HEMK2: variants seen among roughly 807,000 people sequenced by gnomAD.
The protein encoded by HEMK2 is HemK methyltransferase 2, ETF1 glutamine and histone H4 lysine, also known as methyltransferase HEMK2.
At chr21:28,696,152 C>T in the HEMK2 span, among the ~76,000 whole-genome samples, 1 of 152,062 alleles carries the variant, frequency 6.6e-6, no homozygotes, top group Non-Finnish European at 1.5e-5. Flanking sequence ...TTATTCACTA[C>T]CACAAGAACA....
chr21:28,648,935 C>T, the HEMK2 span, among the ~76,000 whole-genome samples: 9 of 131,384 alleles, frequency 6.9e-5, 1 homozygote, highest in African/African-American at 2.9e-4. Context: ...TCCCTCCCCG[C>T]TCCCCCCACC....
At chr21:28,771,518 A>ACCAC in the HEMK2 span, among the ~76,000 whole-genome samples, 216 of 105,598 alleles carry the variant, frequency 2.0e-3, no homozygotes, top group African/African-American at 6.8e-3. Flanking sequence ...AAGATGCACC[A>ACCAC]CCCCCCCCCG....
chr21:28,652,526 G>A, the HEMK2 span, among the ~76,000 whole-genome samples: 1 of 151,194 alleles, frequency 6.6e-6, no homozygotes, highest in African/African-American at 2.4e-5. Context: ...AGTCCCAGCT[G>A]TCACAGACAG....
At chr21:28,828,662 T>C in the HEMK2 span, among the ~76,000 whole-genome samples, 1 of 152,180 alleles carries the variant, frequency 6.6e-6, no homozygotes, top group Non-Finnish European at 1.5e-5. Context: ...AAGTTCTGCA[T>C]TGACCAACTG....
the HEMK2 span, among the ~76,000 whole-genome samples, chr21:28,762,585 T>G: frequency 2.0e-5 from 3 of 152,158 alleles, no homozygotes; most frequent in African/African-American, 7.2e-5. Flanking sequence ...GGTTTTAATG[T>G]GCCCCACAAA....
the HEMK2 span, among the ~76,000 whole-genome samples, chr21:28,743,557 AAG>A: frequency 6.6e-6 from 1 of 152,024 alleles, no homozygotes; most frequent in Non-Finnish European, 1.5e-5. Flanking sequence ...GAAAAGAAAA[AAG>A]AGAGTGAAGG....
chr21:28,633,581 T>C, the HEMK2 span, among the ~76,000 whole-genome samples: 8 of 152,168 alleles, frequency 5.3e-5, no homozygotes, highest in African/African-American at 1.7e-4. Flanking sequence ...ATGCCAAGTA[T>C]TTTTTAAAGT....
chr21:28,875,672 A>T, the HEMK2 span: 1 of 152,246 alleles, frequency 6.6e-6, no homozygotes, highest in Non-Finnish European at 1.5e-5. Context: ...TTGCCTCCAA[A>T]ACCCAAAGAG....
At chr21:28,784,147 A>G in the HEMK2 span, among the ~76,000 whole-genome samples, 2 of 152,126 alleles carry the variant, frequency 1.3e-5, no homozygotes, top group Non-Finnish European at 2.9e-5. Flanking sequence ...GTGCGGGCAC[A>G]CAGCGCGGGA....
the HEMK2 span, among the ~76,000 whole-genome samples, chr21:28,791,121 G>C: frequency 1.3e-5 from 2 of 152,298 alleles, no homozygotes; most frequent in African/African-American, 4.8e-5. Flanking sequence ...AACCTTGGCT[G>C]CATGTTAATA....
At chr21:28,703,026 T>C in the HEMK2 span, among the ~76,000 whole-genome samples, 3 of 152,132 alleles carry the variant, frequency 2.0e-5, no homozygotes, top group Admixed American at 1.3e-4. Flanking sequence ...TGGATGGAGC[T>C]GGAGATCATT....
chr21:28,832,529 G>A, the HEMK2 span, among the ~76,000 whole-genome samples: 1 of 152,300 alleles, frequency 6.6e-6, no homozygotes, highest in East Asian at 1.9e-4. Context: ...TGAATTGAGG[G>A]TGGATTCTGC....
the HEMK2 span, among the ~76,000 whole-genome samples, chr21:28,815,004 G>C: frequency 6.6e-6 from 1 of 152,068 alleles, no homozygotes; most frequent in Non-Finnish European, 1.5e-5. Context: ...TGATAGACTG[G>C]ATTAAGAAAA....
the HEMK2 span, among the ~76,000 whole-genome samples, chr21:28,811,680 T>C: frequency 2.0e-5 from 3 of 152,214 alleles, no homozygotes; most frequent in African/African-American, 7.2e-5. Flanking sequence ...ACAATAATTC[T>C]GTATGTGTCT....
At chr21:28,619,935 T>G in the HEMK2 span, among the ~76,000 whole-genome samples, 2 of 152,196 alleles carry the variant, frequency 1.3e-5, no homozygotes, top group Non-Finnish European at 2.9e-5. Flanking sequence ...CAGGAGATTT[T>G]GGGCTGACAT....
the HEMK2 span, among the ~76,000 whole-genome samples, chr21:28,810,995 A>G: frequency 6.6e-6 from 1 of 152,206 alleles, no homozygotes; most frequent in African/African-American, 2.4e-5. Context: ...CCAAAGATTA[A>G]GTCCCTAACA....
the HEMK2 span, among the ~76,000 whole-genome samples, chr21:28,824,137 AC>A: frequency 3.9e-3 from 593 of 152,364 alleles, 4 homozygotes; most frequent in African/African-American, 0.013. Context: ...ATGACCTAGT[AC>A]CACAGCAGAC....
chr21:28,626,138 A>G, the HEMK2 span, among the ~76,000 whole-genome samples: 1 of 152,188 alleles, frequency 6.6e-6, no homozygotes, highest in East Asian at 1.9e-4. Context: ...TAAAGAAAAA[A>G]AAAAGCATTA....
chr21:28,823,568 G>T, the HEMK2 span, among the ~76,000 whole-genome samples: 188 of 152,164 alleles, frequency 1.2e-3, 1 homozygote, highest in African/African-American at 4.4e-3. Flanking sequence ...AACCTAATCC[G>T]CAATGTGGGG....
Sources: gnomAD v4.1 joint callset for allele counts (sites outside exome capture counted in the v4.1 genomes callset) on GRCh38, gnomAD v4.1.1 for gene constraint, MANE v1.5 for transcripts, NCBI Gene and HGNC (gene_info 2026-07-23, HGNC 2026-07-21) for gene names.